Variants in CSMD3 observed in about 807,000 individuals in gnomAD.
The protein encoded by CSMD3 is CUB and Sushi multiple domains 3.
In CSMD3, 177 loss-of-function variants were observed where a neutral mutation model predicts 435.2. That is an observed-to-expected ratio of 0.41 (90% CI 0.36 to 0.46). The LOEUF is 0.46. CSMD3 is among the 20% of genes least tolerant of loss of function. The pLI is 0.34. For synonymous variants in CSMD3, 1,656 were observed against 1,520.5 expected (o/e 1.09, Z -2.07); for missense variants, 4,265 against 4,504.6 (o/e 0.95, Z 1.52).
chr8:113,394,869 A>G (rs1350124734), intron 1 of CSMD3, among the ~76,000 whole-genome samples: 1 of 152,130 alleles, frequency 6.6e-6, no homozygotes, highest in African/African-American at 2.4e-5. Flanking sequence ...GATTTTGGGG[A>G]GGTTTAGCCT....
At chr8:113,374,223 A>G (rs2094364407) in intron 1 of CSMD3, among the ~76,000 whole-genome samples, 1 of 152,122 alleles carries the variant, frequency 6.6e-6, no homozygotes. Context: ...TGTATTTGAA[A>G]AACATTACAG....
At chr8:113,100,301 C>G (rs1669336281) in intron 4 of CSMD3, among the ~76,000 whole-genome samples, 1 of 152,000 alleles carries the variant, frequency 6.6e-6, no homozygotes, top group Admixed American at 6.6e-5. Context: ...AACTAGTTGT[C>G]TTGTCTAGAC....
intron 45 of CSMD3, among the ~76,000 whole-genome samples, chr8:112,334,359 A>G (rs903307956): frequency 1.3e-5 from 2 of 152,200 alleles, no homozygotes; most frequent in Non-Finnish European, 2.9e-5. Flanking sequence ...ACTATATACT[A>G]TATTTTTCAT....
At chr8:112,862,393 T>G (rs1285252628) in intron 10 of CSMD3, among the ~76,000 whole-genome samples, 2 of 152,016 alleles carry the variant, frequency 1.3e-5, no homozygotes, top group African/African-American at 4.8e-5. Context: ...GTTTTTTTCT[T>G]TTGCAGATTT....
chr8:112,909,758 T>A (rs192724676), intron 10 of CSMD3, among the ~76,000 whole-genome samples: 1 of 151,944 alleles, frequency 6.6e-6, no homozygotes, highest in East Asian at 1.9e-4. Flanking sequence ...CAAGAAACAC[T>A]TATCTCAGAA....
At chr8:112,718,892 C>G (rs1176922874) in intron 13 of CSMD3, among the ~76,000 whole-genome samples, 1 of 152,204 alleles carries the variant, frequency 6.6e-6, no homozygotes, top group Non-Finnish European at 1.5e-5. Context: ...ATAAAAACTT[C>G]TTAAGCTTAA....
intron 5 of CSMD3, among the ~76,000 whole-genome samples, chr8:113,076,576 C>G (rs976737719): frequency 6.6e-6 from 1 of 151,862 alleles, no homozygotes; most frequent in Non-Finnish European, 1.5e-5. Context: ...TAAGATTACC[C>G]AGTAATTTAG....
chr8:113,239,498 T>TTATC (rs113240412), intron 3 of CSMD3, among the ~76,000 whole-genome samples: 37,480 of 148,958 alleles, frequency 0.25, 5,157 homozygotes, highest in East Asian at 0.52. Flanking sequence ...GTATGTAGTT[T>TTATC]TATCTATCTA....
At chr8:112,296,422 G>T (rs2130720522) in intron 53 of CSMD3, among the ~76,000 whole-genome samples, 1 of 151,970 alleles carries the variant, frequency 6.6e-6, no homozygotes, top group Admixed American at 6.6e-5. Flanking sequence ...ATGGTGGCAG[G>T]CGCCTGTAGT....
intron 12 of CSMD3, among the ~76,000 whole-genome samples, chr8:112,825,288 T>C (rs939118598): frequency 6.6e-6 from 1 of 152,204 alleles, no homozygotes; most frequent in Non-Finnish European, 1.5e-5. Context: ...TTACTCAACA[T>C]CTGAAGCCTA....
chr8:112,256,964 T>C (rs1286406934), intron 61 of CSMD3, among the ~76,000 whole-genome samples: 2 of 152,186 alleles, frequency 1.3e-5, no homozygotes, highest in Non-Finnish European at 2.9e-5. Context: ...GGAACGCATG[T>C]ATACCTTAAT....
chr8:112,991,389 G>T (rs2085451843), intron 6 of CSMD3, among the ~76,000 whole-genome samples: 1 of 151,744 alleles, frequency 6.6e-6, no homozygotes, highest in Non-Finnish European at 1.5e-5. Flanking sequence ...ATGCTGTGTA[G>T]TCAACTACAG....
rs1271523966 is a variant in CSMD3 at position 112,244,515 on chromosome 8, A to T, written c.10281T>A (p.Leu3427=). 2.5e-6 allele frequency: 4 copies of T among 1,613,864 alleles called. No individual in the cohort carries two copies. Among genetic ancestry groups the T allele is most frequent in the Non-Finnish European group, 3.4e-6 (4 of 1,179,816 alleles). The change falls in exon 65 of 71, where the codon CTT becomes CTA. Residue 3427 remains leucine (L), a synonymous_variant. Coordinates refer to ENST00000297405, the MANE Select transcript of CSMD3 (RefSeq NM_198123.2). ...AAATCAGTGTATACCCATGAGATGG[A>T]AGGTCCATCCCTACGACATTTGCAT... ...PAHANVVGMD[L]PSHGYTLIYT... is the part of the protein sequence containing the mutation.
rs1554658405 is a variant in CSMD3, at chr8:112,370,023, G to GGAAGAGGAAGAAGAA, written c.6136+10328_6136+10329insTTCTTCTTCCTCTTC. ...AAGAAGAGGAAGAGGAAGAAGAAGAGGAAGAAGAAGAAGAAGAAGAAGAAG... is the reference window on the plus strand; with the variant it reads ...AAGAAGAGGAAGAGGAAGAAGAAGAGGAAGAGGAAGAAGAAGAAGAAGAAGAAGAAGAAGAAGAAG... On this transcript the variant is annotated intron_variant, in intron 38 of 70. Transcript: ENST00000297405. 2.3e-3 allele frequency among the ~76,000 whole-genome samples: 155 copies of GGAAGAGGAAGAAGAA among 66,594 alleles called. 2 individuals are homozygous for GGAAGAGGAAGAAGAA. Among genetic ancestry groups the GGAAGAGGAAGAAGAA allele is most frequent in the African/African-American group, 9.0e-3 (141 of 15,584 alleles). The allele number at this position is 66,594 out of a possible 152,430, so 43.7% of individuals were successfully genotyped here. A position where few individuals can be genotyped will look rare whatever the true frequency, so the allele number is the denominator to read the frequency against.
intron 31 of CSMD3, among the ~76,000 whole-genome samples, chr8:112,485,989 A>G (rs1480344838): frequency 6.6e-6 from 1 of 151,520 alleles, no homozygotes; most frequent in Non-Finnish European, 1.5e-5. Context: ...CATATGTGAA[A>G]CAAAGGTATT....
chr8:112,698,648 T>G lies in CSMD3; in HGVS notation c.1973-8598A>C, dbSNP rs533226497. Reference sequence around the variant, plus strand: ...GCCAGCTTGAAGAAGCTCCATTGGCTATTCTGGTGCAATTTAACCATCAAA... The same window carrying G: ...GCCAGCTTGAAGAAGCTCCATTGGCGATTCTGGTGCAATTTAACCATCAAA... On this transcript the variant is annotated intron_variant, in intron 13 of 70. Transcript: ENST00000297405. 2.6e-5 allele frequency among the ~76,000 whole-genome samples: 4 copies of G among 152,276 alleles called. No homozygotes were observed. In the South Asian group the frequency reaches 8.3e-4, roughly 32 times the overall value.
At chr8:112,466,672 A>G (rs1289246467) in intron 32 of CSMD3, among the ~76,000 whole-genome samples, 1 of 152,194 alleles carries the variant, frequency 6.6e-6, no homozygotes, top group Non-Finnish European at 1.5e-5. Context: ...CTGAATTACA[A>G]GAATACCTAA....
chr8:113,178,590 C>A (rs1372423561), intron 3 of CSMD3, among the ~76,000 whole-genome samples: 3 of 151,764 alleles, frequency 2.0e-5, no homozygotes, highest in Non-Finnish European at 4.4e-5. Flanking sequence ...ATGGAGAAAT[C>A]TGAATTAGTA....
At chr8:112,879,382 C>T (rs892101725) in intron 10 of CSMD3, among the ~76,000 whole-genome samples, 32 of 152,064 alleles carry the variant, frequency 2.1e-4, no homozygotes, top group South Asian at 4.1e-4. Context: ...GCCCTTGAAC[C>T]GTGTTTCCTG....
Sources: allele counts gnomAD v4.1 joint callset (sites outside exome capture counted in the v4.1 genomes callset), GRCh38; gene constraint gnomAD v4.1.1; transcripts MANE v1.5; gene names NCBI Gene and HGNC (gene_info 2026-07-23, HGNC 2026-07-21).